Variants in UGT8 observed in about 807,000 individuals in gnomAD.
UGT8 encodes 2-hydroxyacylsphingosine 1-beta-galactosyltransferase.
UGT8 carries 12 observed loss-of-function variants against 40.5 expected under a neutral mutation model. The observed-to-expected ratio is 0.30, with a 90% CI of 0.19 to 0.48. The LOEUF is 0.48. Among genes scored for constraint, UGT8 ranks in the 20% least tolerant of loss-of-function variants. The pLI is 0.99. For synonymous variants in UGT8, 224 were observed against 240.4 expected (o/e 0.93, Z 0.63); for missense variants, 513 against 648.7 (o/e 0.79, Z 2.27).
chr4:114,614,358 A>G (rs1731267236), intron 1 of UGT8, among the ~76,000 whole-genome samples: 1 of 152,042 alleles, frequency 6.6e-6, no homozygotes, highest in African/African-American at 2.4e-5. Context: ...TTCATATTTC[A>G]TGTGTGTAAA....
At chr4:114,661,355 T>C (rs1398139054) in intron 2 of UGT8, among the ~76,000 whole-genome samples, 1 of 152,136 alleles carries the variant, frequency 6.6e-6, no homozygotes, top group Non-Finnish European at 1.5e-5. Flanking sequence ...TAAATTTGCT[T>C]TTTATAACTG....
chr4:114,655,898 T>TA (rs1213399807), intron 2 of UGT8, among the ~76,000 whole-genome samples: 2 of 152,120 alleles, frequency 1.3e-5, no homozygotes, highest in Non-Finnish European at 2.9e-5. Context: ...CTTGAACACT[T>TA]ACTCAGTGTT....
chr4:114,610,292 A>AATCACCTATCTTT, intron 1 of UGT8, among the ~76,000 whole-genome samples: 1 of 152,310 alleles, frequency 6.6e-6, no homozygotes. Context: ...AGGGGTTTGA[A>AATCACCTATCTTT]ATCACCTATC....
intron 1 of UGT8, among the ~76,000 whole-genome samples, chr4:114,622,111 C>A (rs1288175498): frequency 3.2e-5 from 4 of 125,370 alleles, no homozygotes; most frequent in Non-Finnish European, 6.6e-5. Context: ...CCCCTCCCCC[C>A]ACCCCACAAC....
At chr4:114,625,817 A>G (rs1016213646) in intron 2 of UGT8, among the ~76,000 whole-genome samples, 2 of 152,164 alleles carry the variant, frequency 1.3e-5, no homozygotes, top group South Asian at 4.1e-4. Context: ...GGTGCTCGAC[A>G]TAAGGTATTA....
chr4:114,673,645 A>G (rs191125311), intron 5 of UGT8, among the ~76,000 whole-genome samples: 1 of 152,348 alleles, frequency 6.6e-6, no homozygotes, highest in East Asian at 1.9e-4. Context: ...TTATATACAC[A>G]GTGACATTAA....
In UGT8 at chr4:114,667,120, G is replaced by A. The variant is rs185932746; in HGVS notation, c.1043-965G>A. 6.9e-3 allele frequency among the ~76,000 whole-genome samples: 1,053 copies of A among 152,246 alleles called. 11 individuals carry two copies. Among genetic ancestry groups the A allele is most frequent in the Non-Finnish European group, 6.5e-3 (439 of 68,004 alleles). ...TTAGTTGGACCTAAGAGTCAGAAAA[G>A]CCACTTGTGGGTAAGGGCTAGAGAC... On this transcript the variant is annotated intron_variant, in intron 4 of 5. Coordinates refer to ENST00000310836, the MANE Select transcript of UGT8 (RefSeq NM_001128174.3).
At chr4:114,614,445 A>C (rs2126091194) in intron 1 of UGT8, among the ~76,000 whole-genome samples, 1 of 152,256 alleles carries the variant, frequency 6.6e-6, no homozygotes, top group Middle Eastern at 3.4e-3. Flanking sequence ...TAGTTTAAGG[A>C]ATGGAATAGT....
intron 2 of UGT8, among the ~76,000 whole-genome samples, chr4:114,651,996 CA>C (rs1013775994): frequency 2.3e-4 from 32 of 142,052 alleles, no homozygotes; most frequent in Admixed American, 5.6e-4. Flanking sequence ...TTATAGTCTG[CA>C]AAAAAAAAAT....
intron 2 of UGT8, among the ~76,000 whole-genome samples, chr4:114,630,732 T>G (rs1732518344): frequency 6.6e-6 from 1 of 151,680 alleles, no homozygotes; most frequent in South Asian, 2.1e-4. Flanking sequence ...TCACCTGGAG[T>G]TTCTTAAGAA....
intron 5 of UGT8, 40 bp from the exon 6 acceptor site, chr4:114,675,885 T>C: frequency 1.3e-6 from 2 of 1,552,946 alleles, no homozygotes; most frequent in Non-Finnish European, 1.7e-6. Context: ...AGAACTTTAT[T>C]ATAAGCATCA....
At chr4:114,650,084 C>G (rs1733809987) in intron 2 of UGT8, among the ~76,000 whole-genome samples, 1 of 152,136 alleles carries the variant, frequency 6.6e-6, no homozygotes, top group Non-Finnish European at 1.5e-5. Flanking sequence ...TGCAATTGCC[C>G]TGAGGACTTG....
At chr4:114,652,644 G>A (rs1733953269) in intron 2 of UGT8, among the ~76,000 whole-genome samples, 2 of 152,076 alleles carry the variant, frequency 1.3e-5, no homozygotes, top group Non-Finnish European at 2.9e-5. Context: ...AAAAGTCATG[G>A]TATTGAAGGA....
At chr4:114,663,596 T>C (rs1270568110) in intron 2 of UGT8, 1 of 637,634 alleles carries the variant, frequency 1.6e-6, no homozygotes, top group Non-Finnish European at 1.9e-6. Flanking sequence ...TTGTAAATGA[T>C]ACATTAACAA....
upstream of UGT8, chr4:114,598,621 C>T (rs1455556051): frequency 1.3e-5 from 2 of 152,184 alleles, no homozygotes; most frequent in Admixed American, 1.3e-4. Flanking sequence ...CGTGGCGGCC[C>T]GTGTCGTGCC....
intron 2 of UGT8, among the ~76,000 whole-genome samples, chr4:114,630,478 A>G (rs1732498365): frequency 6.6e-6 from 1 of 152,168 alleles, no homozygotes. Context: ...ACAGTGAGCC[A>G]AGAGTATGGA....
intron 2 of UGT8, among the ~76,000 whole-genome samples, chr4:114,629,916 T>A (rs1395063979): frequency 1.3e-5 from 2 of 152,192 alleles, no homozygotes; most frequent in African/African-American, 4.8e-5. Context: ...ATTTAGGTAT[T>A]AAGTCAAATA....
chr4:114,624,129 C>T (rs969412600), intron 2 of UGT8, among the ~76,000 whole-genome samples: 8 of 152,204 alleles, frequency 5.3e-5, no homozygotes, highest in Non-Finnish European at 1.0e-4. Context: ...AACAGAGGTT[C>T]TTCTCTGGGA....
intron 2 of UGT8, among the ~76,000 whole-genome samples, chr4:114,636,071 G>A (rs542198511): frequency 2.0e-5 from 3 of 152,118 alleles, no homozygotes; most frequent in Admixed American, 1.3e-4. Flanking sequence ...TTAAAATTAC[G>A]GTTTAATGGA....
Sources: gnomAD v4.1 joint callset for allele counts (sites outside exome capture counted in the v4.1 genomes callset) on GRCh38, gnomAD v4.1.1 for gene constraint, MANE v1.5 for transcripts, NCBI Gene and HGNC (gene_info 2026-07-23, HGNC 2026-07-21) for gene names.